Variants in PRKCB observed in about 807,000 individuals in gnomAD.
The protein encoded by PRKCB is protein kinase C beta.
A neutral mutation model predicts 81.5 loss-of-function variants in PRKCB; 13 were observed. The ratio of observed to expected loss-of-function variants is 0.16; its 90% CI spans 0.10 to 0.25. PRKCB has a LOEUF of 0.25. Ranked by LOEUF, PRKCB falls within the 10% of genes least tolerant of loss-of-function variation. PRKCB has a pLI of 1.00. For synonymous variants in PRKCB, 335 were observed against 321.4 expected (o/e 1.04, Z -0.45); for missense variants, 509 against 875.7 (o/e 0.58, Z 5.29).
chr16:24,144,347 G>A (rs563200109), intron 9 of PRKCB, among the ~76,000 whole-genome samples: 1 of 152,282 alleles, frequency 6.6e-6, no homozygotes, highest in East Asian at 1.9e-4. Flanking sequence ...AGGCTGGAGT[G>A]CAGTGGCATG....
At chr16:23,882,057 C>CCTTCCTTCCTTA (rs1963131380) in intron 2 of PRKCB, among the ~76,000 whole-genome samples, 1 of 65,868 alleles carries the variant, frequency 1.5e-5, no homozygotes, top group Non-Finnish European at 3.0e-5. Flanking sequence ...TTCCTTCCTT[C>CCTTCCTTCCTTA]TTCCTTTCCT....
At chr16:23,980,381 T>C (rs1964679893) in intron 2 of PRKCB, among the ~76,000 whole-genome samples, 1 of 152,198 alleles carries the variant, frequency 6.6e-6, no homozygotes, top group Non-Finnish European at 1.5e-5. Context: ...AGAGTGGTTC[T>C]CCCAGCAGCT....
At position 23,841,649 on chromosome 16, in the gene PRKCB, C is replaced by CTT. The variant is rs59288831; in HGVS notation, c.205+4266_205+4267dup. ...ACTGCAGGTGTGTGTCACCACGGCC[C>CTT]TTTTTTTTTTTTTTTTTTTTTTTTG... On this transcript the variant is annotated intron_variant, in intron 2 of 16. Transcript: ENST00000643927. 1.2e-3 allele frequency among the ~76,000 whole-genome samples: 69 copies of CTT among 59,042 alleles called. 3 individuals carry two copies. The highest frequency in any genetic ancestry group is 2.4e-3 in the African/African-American group (33 of 13,664). 38.7% of individuals were successfully genotyped at this position (59,042 alleles called of 152,430 possible).
chr16:23,966,840 C>T (rs1368935309), intron 2 of PRKCB, among the ~76,000 whole-genome samples: 2 of 152,132 alleles, frequency 1.3e-5, no homozygotes, highest in African/African-American at 4.8e-5. Flanking sequence ...GGCAAAATTC[C>T]CTGCCCCCTT....
intron 2 of PRKCB, among the ~76,000 whole-genome samples, chr16:23,965,514 G>A (rs1596490089): frequency 1.3e-5 from 2 of 152,192 alleles, no homozygotes; most frequent in South Asian, 4.1e-4. Context: ...GAATGGATGA[G>A]TTAGGAATCA....
At chr16:23,865,079 C>T (rs1025461280) in intron 2 of PRKCB, among the ~76,000 whole-genome samples, 2 of 152,070 alleles carry the variant, frequency 1.3e-5, no homozygotes, top group African/African-American at 4.8e-5. Context: ...TAAGCACAAT[C>T]AGAAATGACC....
At chr16:24,185,370 G>A (rs1428011574) in intron 14 of PRKCB, 90 bp from the exon 15 acceptor site, 29 of 1,296,478 alleles carry the variant, frequency 2.2e-5, no homozygotes, top group Non-Finnish European at 2.7e-5. Flanking sequence ...TTCACTGTGG[G>A]CCCCAGGGAG....
intron 2 of PRKCB, among the ~76,000 whole-genome samples, chr16:23,936,345 A>T (rs1205067333): frequency 6.6e-6 from 1 of 151,662 alleles, no homozygotes; most frequent in Non-Finnish European, 1.5e-5. Context: ...TCCCCTGTCC[A>T]CCCCACGTCT....
chr16:24,110,082 C>T (rs1325691393), intron 7 of PRKCB, among the ~76,000 whole-genome samples: 58 of 133,014 alleles, frequency 4.4e-4, no homozygotes, highest in Non-Finnish European at 5.8e-4. Context: ...AGAGGGAGAC[C>T]GTGGAAAGAG....
intron 2 of PRKCB, among the ~76,000 whole-genome samples, chr16:23,940,850 T>C (rs1964132854): frequency 6.6e-6 from 1 of 152,178 alleles, no homozygotes; most frequent in Non-Finnish European, 1.5e-5. Context: ...TGGGTGATTA[T>C]TTACTCTCTC....
At chr16:24,174,692 T>C in intron 12 of PRKCB, 112 bp downstream of exon 12, 3 of 1,017,946 alleles carry the variant, frequency 2.9e-6, no homozygotes, top group Non-Finnish European at 4.5e-6. Flanking sequence ...GGAGGAATCC[T>C]CCAGAACTAA....
At chr16:24,152,804 C>T (rs562778737) in intron 9 of PRKCB, among the ~76,000 whole-genome samples, 6 of 152,294 alleles carry the variant, frequency 3.9e-5, no homozygotes, top group East Asian at 1.9e-4. Context: ...TTGCCATGCA[C>T]GTAAGCAGAG....
chr16:23,889,111 C>T (rs1369723114), intron 2 of PRKCB, among the ~76,000 whole-genome samples: 1 of 150,396 alleles, frequency 6.6e-6, no homozygotes, highest in African/African-American at 2.5e-5. Flanking sequence ...CACAGCTGTT[C>T]ACTCGTCCAT....
chr16:23,992,560 G>A (rs1051222544), intron 3 of PRKCB, among the ~76,000 whole-genome samples: 1 of 152,196 alleles, frequency 6.6e-6, no homozygotes, highest in Admixed American at 6.5e-5. Flanking sequence ...TGCTCCTAAT[G>A]TCTCTGGACA....
At chr16:24,165,090 G>C (rs1967322335) in intron 10 of PRKCB, among the ~76,000 whole-genome samples, 1 of 152,122 alleles carries the variant, frequency 6.6e-6, no homozygotes, top group South Asian at 2.1e-4. Context: ...ACCCAGGCTG[G>C]AGTGCAATGG....
At chr16:23,857,717 A>AGT (rs375171383) in intron 2 of PRKCB, among the ~76,000 whole-genome samples, 15,071 of 149,408 alleles carry the variant, frequency 0.1, 801 homozygotes, top group Middle Eastern at 0.19. Context: ...AGAGAGAGAG[A>AGT]GTGTGTGTGT....
chr16:24,001,989 C>A (rs1965040484), intron 3 of PRKCB, among the ~76,000 whole-genome samples: 1 of 152,164 alleles, frequency 6.6e-6, no homozygotes, highest in African/African-American at 2.4e-5. Flanking sequence ...CTGTAACAAA[C>A]CATTCCAAAA....
chr16:23,872,345 T>G (rs1213169505), intron 2 of PRKCB, among the ~76,000 whole-genome samples: 2 of 152,156 alleles, frequency 1.3e-5, no homozygotes, highest in Non-Finnish European at 2.9e-5. Context: ...TAGCAAGACT[T>G]CGTCTTTACA....
intron 5 of PRKCB, among the ~76,000 whole-genome samples, chr16:24,088,981 C>T (rs964367129): frequency 6.6e-6 from 1 of 152,294 alleles, no homozygotes; most frequent in East Asian, 1.9e-4. Flanking sequence ...GACAGACAAG[C>T]TTCTGGCGCA....
Sources: gnomAD v4.1 joint callset for allele counts (sites outside exome capture counted in the v4.1 genomes callset) on GRCh38, gnomAD v4.1.1 for gene constraint, MANE v1.5 for transcripts, NCBI Gene and HGNC (gene_info 2026-07-23, HGNC 2026-07-21) for gene names.